SDK2: variants seen among roughly 807,000 people sequenced by gnomAD.
The protein encoded by SDK2 is sidekick cell adhesion molecule 2.
In SDK2, 105 loss-of-function variants were observed where a neutral mutation model predicts 253.9. The observed-to-expected ratio is 0.41, with a 90% confidence interval of 0.35 to 0.49. The LOEUF (loss-of-function observed/expected upper bound fraction) is 0.49, where lower values mean the gene tolerates loss of function less well. SDK2 is among the 20% of genes least tolerant of loss of function. The probability of loss-of-function intolerance (pLI) is 0.06; values close to 1 mark genes in which losing one functional copy is unlikely to be tolerated. For missense variants in SDK2, 2,608 were observed against 3,003.0 expected (o/e 0.87, Z 3.07); for synonymous variants, 1,249 against 1,234.9 (o/e 1.01, Z -0.24).
chr17:73,438,552 G>A (rs1262137531), intron 6 of SDK2, among the ~76,000 whole-genome samples: 3 of 152,140 alleles, frequency 2.0e-5, no homozygotes, highest in East Asian at 1.9e-4. Flanking sequence ...TCAGTGACAC[G>A]GAGGAGATGA....
At chr17:73,597,159 T>C (rs149594856) in intron 1 of SDK2, among the ~76,000 whole-genome samples, 94 of 152,324 alleles carry the variant, frequency 6.2e-4, no homozygotes, top group Non-Finnish European at 1.2e-3. Flanking sequence ...ATTCTCCTGA[T>C]GGGTTTTGGA....
At chr17:73,405,880 C>T (rs947939228) in intron 18 of SDK2, among the ~76,000 whole-genome samples, 26 of 150,340 alleles carry the variant, frequency 1.7e-4, no homozygotes, top group African/African-American at 5.5e-4. Flanking sequence ...CCACCACGCC[C>T]GGCTAATTTT....
At chr17:73,533,144 A>T (rs12452672) in intron 1 of SDK2, among the ~76,000 whole-genome samples, 6,248 of 152,196 alleles carry the variant, frequency 0.041, 129 homozygotes, top group Middle Eastern at 0.12. Flanking sequence ...CGCTCCATCA[A>T]GCAAGGCCCA....
In SDK2 at chr17:73,570,527, G is replaced by A. The variant is rs574990279; in HGVS notation, c.65-62930C>T. 2.5e-4 allele frequency among the ~76,000 whole-genome samples: 38 copies of A among 152,220 alleles called. No homozygotes were observed. Among genetic ancestry groups the A allele is most frequent in the Middle Eastern group, 3.4e-3 (1 of 294 alleles). ...CCAGCACCCCTCTTGTGATGATGGC[G>A]GTGATGGTGATGGTGAGGCTGATGG... On this transcript the variant is annotated intron_variant, in intron 1 of 44. Coordinates refer to ENST00000392650, the MANE Select transcript of SDK2 (RefSeq NM_001144952.2). This position sits in a 1 kb window ranked among gnomAD's most constrained non-coding sequence, Gnocchi z 4.2.
At chr17:73,472,949 A>C (rs2063662694) in intron 2 of SDK2, among the ~76,000 whole-genome samples, 2 of 152,208 alleles carry the variant, frequency 1.3e-5, no homozygotes, top group South Asian at 4.1e-4. Flanking sequence ...TATGACTGTG[A>C]GGGCTCCCCA....
At chr17:73,483,637 A>ATGTGTGTGTGTG (rs1567799085) in intron 2 of SDK2, among the ~76,000 whole-genome samples, 3 of 53,090 alleles carry the variant, frequency 5.7e-5, no homozygotes, top group African/African-American at 1.4e-4. Flanking sequence ...ATATGTATAT[A>ATGTGTGTGTGTG]TATATGTGTG....
intron 2 of SDK2, among the ~76,000 whole-genome samples, chr17:73,476,027 G>A (rs1476039447): frequency 3.3e-5 from 5 of 152,130 alleles, no homozygotes; most frequent in African/African-American, 9.7e-5. Context: ...CAGGAGAATC[G>A]CTTGAACCCA....
At chr17:73,617,037 G>A (rs2046067164) in intron 1 of SDK2, among the ~76,000 whole-genome samples, 1 of 152,148 alleles carries the variant, frequency 6.6e-6, no homozygotes, top group South Asian at 2.1e-4. Flanking sequence ...AGGAATGGAA[G>A]GCCATAGCTG....
At chr17:73,414,825 T>A in intron 17 of SDK2, 66 bp from the exon 18 acceptor site, 2 of 1,020,768 alleles carry the variant, frequency 2.0e-6, no homozygotes, top group Non-Finnish European at 3.1e-6. Flanking sequence ...CCCAGTTCAG[T>A]AGAGAAAACG....
intron 32 of SDK2, among the ~76,000 whole-genome samples, chr17:73,384,595 T>C (rs1054621193): frequency 6.6e-6 from 1 of 152,200 alleles, no homozygotes; most frequent in Non-Finnish European, 1.5e-5. Flanking sequence ...TACTTCTTAA[T>C]GATACTGCTT....
intron 4 of SDK2, among the ~76,000 whole-genome samples, chr17:73,451,735 C>G: frequency 6.6e-6 from 1 of 152,090 alleles, no homozygotes; most frequent in Non-Finnish European, 1.5e-5. Flanking sequence ...AAGGAAGGTC[C>G]CTGGGCTTGT....
intron 31 of SDK2, 131 bp downstream of exon 31, chr17:73,386,314 G>A (rs924984827): frequency 1.6e-5 from 11 of 690,486 alleles, no homozygotes; most frequent in South Asian, 5.1e-5. Flanking sequence ...ACCCTACCCC[G>A]GGAGCTGAAG....
intron 1 of SDK2, among the ~76,000 whole-genome samples, chr17:73,628,701 C>T (rs928628869): frequency 4.6e-5 from 7 of 152,342 alleles, no homozygotes; most frequent in African/African-American, 1.7e-4. Context: ...GTCTGTGCTG[C>T]TCATGGGGTA....
intron 44 of SDK2, among the ~76,000 whole-genome samples, chr17:73,341,477 AC>A (rs1213472996): frequency 6.6e-6 from 1 of 152,098 alleles, no homozygotes; most frequent in East Asian, 1.9e-4. Flanking sequence ...AGCGCACAGC[AC>A]ACGATCAGTG....
chr17:73,475,282 G>C (rs181018759), intron 2 of SDK2, among the ~76,000 whole-genome samples: 209 of 152,320 alleles, frequency 1.4e-3, no homozygotes, highest in African/African-American at 5.0e-3. Flanking sequence ...CTCCCAAGCA[G>C]CTGGGATTAT....
intron 1 of SDK2, among the ~76,000 whole-genome samples, chr17:73,600,180 T>C (rs2045817726): frequency 6.6e-6 from 1 of 152,156 alleles, no homozygotes; most frequent in Non-Finnish European, 1.5e-5. Context: ...TCCCTGGCCA[T>C]TGCAGCTCCC....
intron 2 of SDK2, among the ~76,000 whole-genome samples, chr17:73,497,727 C>T (rs541980936): frequency 2.0e-5 from 3 of 152,064 alleles, no homozygotes; most frequent in Non-Finnish European, 4.4e-5. Context: ...CTCTTCCACC[C>T]GCTTCTCACC....
Position 73,393,659 on chromosome 17 carries a change from C to T in SDK2, c.3799G>A (p.Gly1267Ser), listed in dbSNP as rs2062947344. ...SSRSAQLTGL[G>S]KYVLYEVQVL... ...TGGACTTCATAGAGCACGTATTTGCCCAAGCCGGTGAGCTGGGCACTGCGA... is the reference window on the plus strand; with the variant it reads ...TGGACTTCATAGAGCACGTATTTGCTCAAGCCGGTGAGCTGGGCACTGCGA... Residue 1267 changes from glycine (G) to serine (S), a missense_variant, in exon 27 of 45, where the codon GGC (glycine) becomes AGC (serine). Physicochemically the swap from Gly to Ser is moderately conservative, Grantham distance 56 (BLOSUM62 0). This residue lies in a region of SDK2 where 1,505 missense variants were observed against 1,859.1 expected (regional missense o/e 0.81). Transcript: ENST00000392650. 6.2e-7 allele frequency: 1 copy of T among 1,601,214 alleles called. No homozygotes were observed. Among genetic ancestry groups the T allele is most frequent in the Non-Finnish European group, 8.5e-7 (1 of 1,170,364 alleles).
At chr17:73,416,864 T>C (rs1035883514) in intron 16 of SDK2, among the ~76,000 whole-genome samples, 3 of 152,060 alleles carry the variant, frequency 2.0e-5, no homozygotes, top group Admixed American at 6.6e-5. Flanking sequence ...GCTGGGATTA[T>C]AGGCGTGAGC....
Sources: gnomAD v4.1 joint callset for allele counts (sites outside exome capture counted in the v4.1 genomes callset) on GRCh38, gnomAD v4.1.1 for gene constraint, gnomAD v4.1.1 regional missense constraint, Gnocchi (gnomAD v3.1) non-coding constraint, MANE v1.5 for transcripts, NCBI Gene and HGNC (gene_info 2026-07-23, HGNC 2026-07-21) for gene names.